The following SPATA6L variants were observed in gnomAD, a reference collection of about 807,000 sequenced individuals.
The protein encoded by SPATA6L is spermatogenesis associated 6 like.
A neutral mutation model predicts 49.2 loss-of-function variants in SPATA6L; 68 were observed. That is an observed-to-expected ratio of 1.38 (90% confidence interval 1.14 to 1.69). The LOEUF (loss-of-function observed/expected upper bound fraction) is 1.69, where lower values mean the gene tolerates loss of function less well. SPATA6L is among the 40% of genes most tolerant of loss of function. The pLI, the probability that SPATA6L is intolerant of heterozygous loss-of-function variation, is 0.00. For missense variants in SPATA6L, 668 were observed against 464.3 expected, an observed-to-expected ratio of 1.44 and a Z score of -4.03; for synonymous variants, 198 against 165.7, an observed-to-expected ratio of 1.19 and a Z score of -1.50.
intron 9 of SPATA6L, among the ~76,000 whole-genome samples, chr9:4,606,816 G>C (rs921339323): frequency 3.4e-5 from 5 of 148,522 alleles, no homozygotes; most frequent in South Asian, 4.3e-4. Flanking sequence ...CGAGCTGAGA[G>C]AAGAAGGCTT....
At chr9:4,665,508 T>G (rs1319021768) in intron 1 of SPATA6L, among the ~76,000 whole-genome samples, 2 of 152,224 alleles carry the variant, frequency 1.3e-5, no homozygotes, top group Non-Finnish European at 2.9e-5. Flanking sequence ...GACAACCAGA[T>G]TCCATGACAA....
chr9:4,639,917 C>CA (rs1564257484), intron 3 of SPATA6L, among the ~76,000 whole-genome samples: 1 of 152,216 alleles, frequency 6.6e-6, no homozygotes, highest in African/African-American at 2.4e-5. Flanking sequence ...TTTGACCTGT[C>CA]ATGATGCCAC....
chr9:4,604,417 C>G (rs1277714794), intron 10 of SPATA6L, 148 bp from the exon 11 acceptor site: 2 of 494,964 alleles, frequency 4.0e-6, no homozygotes, highest in Non-Finnish European at 7.1e-6. Context: ...TATATAGAAT[C>G]TTTCTTTTTT....
chr9:4,612,642 G>C (rs965040767), intron 9 of SPATA6L, among the ~76,000 whole-genome samples: 1 of 152,140 alleles, frequency 6.6e-6, no homozygotes. Flanking sequence ...GTCATTATTT[G>C]GTTAATGGCG....
Position 4,618,916 on chromosome 9 carries a change from A to G in SPATA6L, c.773-18T>C, listed in dbSNP as rs768650076. 4.3e-6 allele frequency: 7 copies of G among 1,612,588 alleles called. No homozygotes were observed. The highest frequency in any genetic ancestry group is 5.9e-6 in the Non-Finnish European group (7 of 1,178,810). ...AGAAGAAGCTAGAAGAAAGAGGAAC[A>G]GGCATTTCAATGACTCATTATTACC... On this transcript the variant is annotated intron_variant, in intron 7 of 11. Transcript: ENST00000682582.
chr9:4,644,928 A>C (rs1404173831), intron 3 of SPATA6L, among the ~76,000 whole-genome samples: 1 of 152,202 alleles, frequency 6.6e-6, no homozygotes, highest in African/African-American at 2.4e-5. Flanking sequence ...GACTTTCTGT[A>C]AAGGGTCAGA....
chr9:4,635,981 C>T (rs891724307), intron 3 of SPATA6L, among the ~76,000 whole-genome samples: 2 of 152,208 alleles, frequency 1.3e-5, no homozygotes, highest in African/African-American at 2.4e-5. Context: ...TCCCCCATCC[C>T]CAGTGACTTT....
chr9:4,618,312 C>A (rs748540944), intron 8 of SPATA6L, among the ~76,000 whole-genome samples: 5 of 151,826 alleles, frequency 3.3e-5, no homozygotes, highest in Non-Finnish European at 7.4e-5. Context: ...ATAAAAATAA[C>A]CAAAAGTCTG....
intron 3 of SPATA6L, among the ~76,000 whole-genome samples, chr9:4,648,065 C>T (rs987853603): frequency 2.0e-5 from 3 of 152,074 alleles, no homozygotes; most frequent in Non-Finnish European, 4.4e-5. Flanking sequence ...AAACTCTTGA[C>T]CTCAGGTGAT....
At position 4,661,798 on chromosome 9, in the gene SPATA6L, A is replaced by T. The variant is rs561475877; in HGVS notation, c.177+101T>A. 1.2e-4 allele frequency: 175 copies of T among 1,443,234 alleles called. No homozygotes were observed. In the African/African-American group the frequency reaches 1.9e-3, roughly 16 times the overall value. The allele number at this position is 1,443,234 out of a possible 1,614,324, so 89.4% of individuals were successfully genotyped here. ...TGAAGTGCTTTCGGATAATTTTTTT[A>T]AAAATGAAATTTACCAAATAATGCT... On this transcript the variant is annotated intron_variant, in intron 2 of 11. Transcript: ENST00000682582.
chr9:4,660,387 T>C (rs1216898772), intron 2 of SPATA6L, among the ~76,000 whole-genome samples: 1 of 152,224 alleles, frequency 6.6e-6, no homozygotes, highest in East Asian at 1.9e-4. Flanking sequence ...GAACAGACAC[T>C]TCTCAAAAGA....
chr9:4,593,379 T>C (rs527252188), downstream of SPATA6L, among the ~76,000 whole-genome samples: 19 of 152,302 alleles, frequency 1.2e-4, 1 homozygote, highest in African/African-American at 4.1e-4. Flanking sequence ...ACCTCCTTTA[T>C]GGTATACAAT....
At chr9:4,631,497 A>T (rs1831537789) in intron 4 of SPATA6L, among the ~76,000 whole-genome samples, 1 of 152,070 alleles carries the variant, frequency 6.6e-6, no homozygotes, top group South Asian at 2.1e-4. Flanking sequence ...ATTATCTATT[A>T]TCTAATGGAT....
At chr9:4,638,863 C>CCT (rs1833425785) in intron 3 of SPATA6L, among the ~76,000 whole-genome samples, 1 of 151,426 alleles carries the variant, frequency 6.6e-6, no homozygotes, top group Non-Finnish European at 1.5e-5. Flanking sequence ...CAGCTAACTG[C>CCT]AACCTCCGCC....
intron 5 of SPATA6L, 129 bp from the exon 6 acceptor site, chr9:4,625,695 A>G (rs1212530855): frequency 3.5e-6 from 2 of 578,464 alleles, no homozygotes; most frequent in Admixed American, 7.6e-5. Flanking sequence ...CAGATTTATA[A>G]AACATAAACT....
intron 9 of SPATA6L, among the ~76,000 whole-genome samples, chr9:4,606,218 G>C (rs956881355): frequency 6.7e-5 from 10 of 149,216 alleles, no homozygotes; most frequent in African/African-American, 1.0e-4. Flanking sequence ...AGCGAGGCTG[G>C]GGGAGGGGCG....
chr9:4,644,695 A>T (rs1226864473), intron 3 of SPATA6L, among the ~76,000 whole-genome samples: 111 of 141,852 alleles, frequency 7.8e-4, no homozygotes, highest in African/African-American at 2.4e-3. Context: ...TCACACACAC[A>T]CACACACACA....
In SPATA6L at chr9:4,662,417, C is replaced by T. The variant is rs776628224; in HGVS notation, c.40-381G>A. 4.2e-5 allele frequency: 65 copies of T among 1,537,570 alleles called. No homozygotes were observed. The highest frequency in any genetic ancestry group is 1.6e-4 in the Admixed American group (8 of 51,190). ...GGAGCATGGAGGGACGGCCGCTGGGCGTCTCCGCTTCGAGCAGCAGCAGCA... is the reference window on the plus strand; with the variant it reads ...GGAGCATGGAGGGACGGCCGCTGGGTGTCTCCGCTTCGAGCAGCAGCAGCA... On this transcript the variant is annotated intron_variant, in intron 1 of 11. Coordinates refer to ENST00000682582, the MANE Select transcript of SPATA6L (RefSeq NM_001353486.2). The surrounding 1 kb of genome is among the most constrained non-coding windows in gnomAD (Gnocchi z 4.9).
chr9:4,601,224 A>C (rs1823170634), intron 11 of SPATA6L, among the ~76,000 whole-genome samples: 8 of 141,580 alleles, frequency 5.7e-5, no homozygotes, highest in African/African-American at 1.1e-4. Flanking sequence ...TCCCTCCCTC[A>C]CTCCCTTCTT....
Sources: allele counts gnomAD v4.1 joint callset (sites outside exome capture counted in the v4.1 genomes callset), GRCh38; gene constraint gnomAD v4.1.1; non-coding constraint Gnocchi (gnomAD v3.1); transcripts MANE v1.5; gene names NCBI Gene and HGNC (gene_info 2026-07-23, HGNC 2026-07-21).